PTPRA: variants seen among roughly 807,000 people sequenced by gnomAD.
PTPRA encodes receptor-type tyrosine-protein phosphatase alpha.
PTPRA carries 25 observed loss-of-function variants against 104.8 expected under a neutral mutation model. That is an observed-to-expected ratio of 0.24 (90% confidence interval 0.17 to 0.33). PTPRA has a LOEUF of 0.33. PTPRA is among the 10% of genes least tolerant of loss of function. PTPRA has a pLI of 1.00. For synonymous variants in PTPRA, 323 were observed against 368.9 expected (o/e 0.88, Z 1.43); for missense variants, 765 against 1,015.3 (o/e 0.75, Z 3.35).
chr20:2,988,327 G>A lies in PTPRA; in HGVS notation c.602-11G>A. ...GGGTACCTGACTGACCTTCTCCCTT[G>A]TGTACTGCAGAGCCCCAGAGTGTGC... On this transcript the variant is annotated splice_polypyrimidine_tract_variant and intron_variant, in intron 8 of 23. Coordinates refer to ENST00000399903, the MANE Select transcript of PTPRA (RefSeq NM_001385305.1). 1.9e-6 allele frequency: 3 copies of A among 1,585,080 alleles called. No individual in the cohort carries two copies. Among genetic ancestry groups the A allele is most frequent in the Non-Finnish European group, 2.6e-6 (3 of 1,171,974 alleles).
At chr20:3,031,968 C>G (rs1482710725) in intron 20 of PTPRA, among the ~76,000 whole-genome samples, 3 of 152,174 alleles carry the variant, frequency 2.0e-5, no homozygotes, top group South Asian at 4.1e-4. Context: ...GCCAAATGCT[C>G]TCACACTGAA....
chr20:2,933,980 T>C (rs901034200), intron 2 of PTPRA, among the ~76,000 whole-genome samples: 4 of 152,346 alleles, frequency 2.6e-5, no homozygotes, highest in South Asian at 2.1e-4. Context: ...TTGGTACTTA[T>C]TTACATTCCA....
At chr20:2,946,509 C>G (rs1250924341) in intron 2 of PTPRA, among the ~76,000 whole-genome samples, 1 of 152,112 alleles carries the variant, frequency 6.6e-6, no homozygotes. Flanking sequence ...TTTTTAATTA[C>G]AGAAGAAAAG....
At chr20:2,872,588 T>A (rs2089456194), upstream of PTPRA, among the ~76,000 whole-genome samples, 1 of 152,198 alleles carries the variant, frequency 6.6e-6, no homozygotes, top group Non-Finnish European at 1.5e-5. This position sits in a 1 kb window ranked among gnomAD's most constrained non-coding sequence, Gnocchi z 7.9. Flanking sequence ...CCACCACCTA[T>A]CTCGACTGCG....
At chr20:3,021,472 C>G in intron 14 of PTPRA, 44 bp downstream of exon 14, 1 of 1,609,920 alleles carries the variant, frequency 6.2e-7, no homozygotes, top group Non-Finnish European at 8.5e-7. Flanking sequence ...GTTGGATCTG[C>G]TGACCAGTAA....
chr20:2,910,147 T>TC (rs2059619629), intron 1 of PTPRA, among the ~76,000 whole-genome samples: 3 of 97,848 alleles, frequency 3.1e-5, no homozygotes, highest in Non-Finnish European at 5.8e-5. Flanking sequence ...TAACATCATA[T>TC]ATACTATACG....
intron 9 of PTPRA, among the ~76,000 whole-genome samples, chr20:3,002,281 C>T (rs1424794550): frequency 2.0e-5 from 3 of 151,754 alleles, no homozygotes; most frequent in African/African-American, 7.3e-5. Flanking sequence ...TCTTGCTCTT[C>T]CCAGTCCACT....
intron 11 of PTPRA, among the ~76,000 whole-genome samples, chr20:3,011,700 A>G (rs2064176063): frequency 6.6e-6 from 1 of 152,212 alleles, no homozygotes; most frequent in Non-Finnish European, 1.5e-5. Flanking sequence ...AAGTGTGTCC[A>G]TTGGAGTTCT....
At chr20:2,948,443 C>A (rs1294104845) in intron 3 of PTPRA, among the ~76,000 whole-genome samples, 2 of 152,256 alleles carry the variant, frequency 1.3e-5, no homozygotes, top group Non-Finnish European at 2.9e-5. Context: ...CATCCATTCT[C>A]TTCCCAGTAC....
intron 9 of PTPRA, among the ~76,000 whole-genome samples, chr20:2,999,077 A>G (rs2063523563): frequency 6.6e-6 from 1 of 152,082 alleles, no homozygotes; most frequent in Admixed American, 6.6e-5. Flanking sequence ...GCATTTCTAT[A>G]CATAGGCCAC....
intron 20 of PTPRA, among the ~76,000 whole-genome samples, chr20:3,029,540 C>CTTTTTTTTTTTTGT (rs2065323184): frequency 1.3e-5 from 1 of 78,084 alleles, no homozygotes; most frequent in African/African-American, 5.5e-5. Context: ...TCTTCATCAT[C>CTTTTTTTTTTTTGT]TTTTTTTTTT....
intron 1 of PTPRA, among the ~76,000 whole-genome samples, chr20:2,919,556 C>T (rs2060028336): frequency 1.3e-5 from 2 of 152,016 alleles, no homozygotes; most frequent in Non-Finnish European, 1.5e-5. Flanking sequence ...TTTTATTTTT[C>T]TTTTAGAGAC....
At chr20:2,982,169 A>C (rs1178034) in intron 6 of PTPRA, among the ~76,000 whole-genome samples, 95,596 of 149,392 alleles carry the variant, frequency 0.64, 32,546 homozygotes, top group East Asian at 0.87. Context: ...TGGCTCACTG[A>C]AACCTCCGCC....
chr20:2,884,142 A>G (rs923495767), intron 1 of PTPRA, among the ~76,000 whole-genome samples: 1 of 152,186 alleles, frequency 6.6e-6, no homozygotes, highest in African/African-American at 2.4e-5. Context: ...TGGTTCATCA[A>G]TTGATGAACA....
At chr20:2,886,880 A>G (rs1186876808) in intron 1 of PTPRA, among the ~76,000 whole-genome samples, 1 of 127,412 alleles carries the variant, frequency 7.8e-6, no homozygotes, top group Non-Finnish European at 1.8e-5. Flanking sequence ...GAAAAGAAAA[A>G]AAAGAAAAAG....
In PTPRA at chr20:3,024,725, G is replaced by A. The variant is rs965333096; in HGVS notation, c.1614+104G>A. On this transcript the variant is annotated intron_variant, in intron 17 of 23. Coordinates refer to ENST00000399903, the MANE Select transcript of PTPRA (RefSeq NM_001385305.1). ...TTGCCAACAGTAAATCCCCTTGTGA[G>A]GCATGCCAGTGGTTAAGGAGATGGT... 25 of 1,381,646 alleles carry A rather than the reference G, an allele frequency of 1.8e-5. No homozygotes were observed. The South Asian group carries it at 2.3e-4, about 13-fold the overall frequency. The allele number at this position is 1,381,646 out of a possible 1,614,324, so 85.6% of individuals were successfully genotyped here. A position where few individuals can be genotyped will look rare whatever the true frequency, so the allele number is the denominator to read the frequency against.
intron 1 of PTPRA, among the ~76,000 whole-genome samples, chr20:2,881,775 C>T (rs768360630): frequency 2.0e-5 from 3 of 152,082 alleles, no homozygotes; most frequent in Non-Finnish European, 4.4e-5. Context: ...CCGAAGTGGA[C>T]GGATCACTTG....
chr20:2,879,299 G>T (rs1012195663), intron 1 of PTPRA, among the ~76,000 whole-genome samples: 75 of 152,202 alleles, frequency 4.9e-4, no homozygotes, highest in Non-Finnish European at 6.5e-4. Context: ...TGGGAATCTT[G>T]TTAAAATGCC....
At chr20:3,017,139 C>T (rs2148390408) in intron 12 of PTPRA, among the ~76,000 whole-genome samples, 1 of 152,276 alleles carries the variant, frequency 6.6e-6, no homozygotes, top group East Asian at 1.9e-4. Context: ...TATCTTCTCT[C>T]AGTACCTTTA....
Sources: gnomAD v4.1 joint callset for allele counts (sites outside exome capture counted in the v4.1 genomes callset) on GRCh38, gnomAD v4.1.1 for gene constraint, Gnocchi (gnomAD v3.1) non-coding constraint, MANE v1.5 for transcripts, NCBI Gene and HGNC (gene_info 2026-07-23, HGNC 2026-07-21) for gene names.